Variants in ST8SIA6 observed in about 807,000 individuals in gnomAD.
ST8SIA6 encodes alpha-2,8-sialyltransferase 8F.
Under a neutral mutation model 33.6 loss-of-function variants are expected in ST8SIA6, and 39 were observed. The observed-to-expected ratio is 1.16, with a 90% CI of 0.90 to 1.52. The LOEUF (loss-of-function observed/expected upper bound fraction) is 1.52. ST8SIA6 is among the 40% of genes most tolerant of loss of function. The pLI, the probability that ST8SIA6 is intolerant of heterozygous loss-of-function variation, is 0.00. For missense variants in ST8SIA6, 441 were observed against 443.8 expected (o/e 0.99, Z 0.06); for synonymous variants, 172 against 167.2 (o/e 1.03, Z -0.22).
chr10:17,341,839 T>C (rs2131597610), intron 4 of ST8SIA6, among the ~76,000 whole-genome samples: 1 of 132,494 alleles, frequency 7.5e-6, no homozygotes, highest in South Asian at 2.3e-4. Context: ...AAGCAGAGGT[T>C]GCAGTAACTG....
At chr10:17,440,111 GC>G (rs2131734357) in intron 2 of ST8SIA6, among the ~76,000 whole-genome samples, 2 of 152,146 alleles carry the variant, frequency 1.3e-5, no homozygotes, top group African/African-American at 4.8e-5. Context: ...ATAATCATAA[GC>G]AATAGGAAAT....
At chr10:17,333,711 ATATATATTTTTTT>A (rs1185843413) in intron 4 of ST8SIA6, among the ~76,000 whole-genome samples, 5 of 24,336 alleles carry the variant, frequency 2.1e-4, no homozygotes, top group Admixed American at 6.2e-4. Context: ...ATATATATAT[ATATATATTTTTTT>A]TTTTTTTTTT....
At position 17,386,110 on chromosome 10, in the gene ST8SIA6, G is replaced by A. The variant is rs116918813; in HGVS notation, c.290+4421C>T. ...GCAGGAGGATCGCTTGAATACAGCA[G>A]GTCAAGGCTGCAGTGAGCTGTGTTC... On this transcript the variant is annotated intron_variant, in intron 3 of 7. Transcript: ENST00000377602. Among the ~76,000 whole-genome samples the A allele has an allele frequency of 6.5e-3, 986 of 152,152 alleles. 3 individuals carry two copies. The highest frequency in any genetic ancestry group is 0.011 in the Non-Finnish European group (752 of 68,012).
At chr10:17,418,993 CAAAAA>C (rs910044275) in intron 2 of ST8SIA6, among the ~76,000 whole-genome samples, 29 of 56,152 alleles carry the variant, frequency 5.2e-4, no homozygotes, top group African/African-American at 1.6e-3. Context: ...GGCTCCATCT[CAAAAA>C]AAAAAAAAAA....
intron 2 of ST8SIA6, among the ~76,000 whole-genome samples, chr10:17,447,281 C>T (rs1852749092): frequency 6.6e-6 from 1 of 151,826 alleles, no homozygotes; most frequent in South Asian, 2.1e-4. Flanking sequence ...TGGTGTGGGC[C>T]TGTAATCCCA....
chr10:17,419,655 G>C (rs900979410), intron 2 of ST8SIA6, among the ~76,000 whole-genome samples: 2 of 152,134 alleles, frequency 1.3e-5, no homozygotes, highest in Non-Finnish European at 2.9e-5. Flanking sequence ...GGAAGTCATA[G>C]ACAGAAGAAA....
At chr10:17,381,704 G>T (rs1368081671) in intron 3 of ST8SIA6, among the ~76,000 whole-genome samples, 1 of 152,176 alleles carries the variant, frequency 6.6e-6, no homozygotes, top group Admixed American at 6.5e-5. Flanking sequence ...AATTTGGCAT[G>T]GGTTACAAAA....
chr10:17,331,224 T>C (rs1324679003), intron 5 of ST8SIA6, among the ~76,000 whole-genome samples, 184 bp downstream of exon 5: 1 of 152,120 alleles, frequency 6.6e-6, no homozygotes, highest in Non-Finnish European at 1.5e-5. Flanking sequence ...AAATAATCCT[T>C]CCCTACAGAG....
rs1387581525 is a variant in ST8SIA6 at position 17,316,204 on chromosome 10, C to T, written c.*4674G>A. 6.6e-6 allele frequency among the ~76,000 whole-genome samples: 1 copy of T among 151,994 alleles called. No individual in the cohort carries two copies. Among genetic ancestry groups the T allele is most frequent in the South Asian group, 2.1e-4 (1 of 4,822 alleles). On this transcript the variant is annotated 3_prime_UTR_variant, in exon 8 of 8. Coordinates refer to ENST00000377602, the MANE Select transcript of ST8SIA6 (RefSeq NM_001004470.3). ...ATGGGTACCCTTCTTGTATTTGACACGTAGCCTTGAATATGTTTGTATGTA... is the reference window on the plus strand; with the variant it reads ...ATGGGTACCCTTCTTGTATTTGACATGTAGCCTTGAATATGTTTGTATGTA...
At chr10:17,357,052 C>T (rs7095313) in intron 4 of ST8SIA6, among the ~76,000 whole-genome samples, 33,615 of 152,084 alleles carry the variant, frequency 0.22, 3,861 homozygotes, top group African/African-American at 0.28. Flanking sequence ...GGATTTCCTT[C>T]TGCTCCTATC....
intron 2 of ST8SIA6, among the ~76,000 whole-genome samples, chr10:17,441,320 A>ATTTATTTATTTATTTT (rs1431879641): frequency 1.3e-5 from 2 of 151,242 alleles, no homozygotes; most frequent in Non-Finnish European, 2.9e-5. Flanking sequence ...TTATTTATTT[A>ATTTATTTATTTATTTT]TTTATTTATT....
At chr10:17,403,017 G>A (rs1253443090) in intron 2 of ST8SIA6, among the ~76,000 whole-genome samples, 3 of 152,144 alleles carry the variant, frequency 2.0e-5, no homozygotes, top group Non-Finnish European at 4.4e-5. Flanking sequence ...CCTACACCAT[G>A]AACACTATCA....
intron 4 of ST8SIA6, 23 bp downstream of exon 4, chr10:17,359,491 A>T (rs1311195096): frequency 6.6e-7 from 1 of 1,525,238 alleles, no homozygotes; most frequent in Non-Finnish European, 9.0e-7. Flanking sequence ...TTAAAATCTC[A>T]TATTATTTAT....
intron 2 of ST8SIA6, among the ~76,000 whole-genome samples, chr10:17,401,376 G>A (rs1424505259): frequency 3.9e-5 from 6 of 152,144 alleles, no homozygotes; most frequent in African/African-American, 7.2e-5. Context: ...TATAGATACA[G>A]TGTCATCCCC....
intron 2 of ST8SIA6, chr10:17,410,565 T>G (rs1230650500): frequency 3.3e-5 from 5 of 152,210 alleles, no homozygotes; most frequent in Admixed American, 3.3e-4. Context: ...CATTGTCATG[T>G]CTGTCTCTGG....
In ST8SIA6 at chr10:17,315,742, G is replaced by A. The variant is rs919484763; in HGVS notation, c.*5136C>T. On this transcript the variant is annotated 3_prime_UTR_variant, in exon 8 of 8. Transcript: ENST00000377602. ...AGGAATTTTCTGGGGACGAGGGTGG[G>A]ATGGACAGGGAGGAAGAAGAGGGAG... Among the ~76,000 whole-genome samples, 5 of 152,062 alleles carry A rather than the reference G, an allele frequency of 3.3e-5. No individual in the cohort carries two copies. In the South Asian group the frequency reaches 8.3e-4, roughly 25 times the overall value.
intron 2 of ST8SIA6, among the ~76,000 whole-genome samples, chr10:17,414,549 A>G (rs1177323233): frequency 2.0e-5 from 3 of 152,214 alleles, no homozygotes; most frequent in Non-Finnish European, 4.4e-5. Flanking sequence ...AGTGGCTTAA[A>G]CAACAGAAAT....
chr10:17,441,982 C>A (rs1188392197), intron 2 of ST8SIA6, among the ~76,000 whole-genome samples: 1 of 151,816 alleles, frequency 6.6e-6, no homozygotes, highest in Non-Finnish European at 1.5e-5. Context: ...GATTCTCTTG[C>A]CTCAGCCTCC....
At chr10:17,447,628 TA>T (rs991400370) in intron 2 of ST8SIA6, among the ~76,000 whole-genome samples, 1 of 152,150 alleles carries the variant, frequency 6.6e-6, no homozygotes, top group African/African-American at 2.4e-5. Flanking sequence ...TTTAAAATGA[TA>T]AATTCCAAGC....
Sources: allele counts gnomAD v4.1 joint callset (sites outside exome capture counted in the v4.1 genomes callset), GRCh38; gene constraint gnomAD v4.1.1; transcripts MANE v1.5; gene names NCBI Gene and HGNC (gene_info 2026-07-23, HGNC 2026-07-21).